STK17A: variants seen among roughly 807,000 people sequenced by gnomAD.
STK17A encodes the protein serine/threonine-protein kinase 17A.
A neutral mutation model predicts 43.7 loss-of-function variants in STK17A; 26 were observed. The ratio of observed to expected loss-of-function variants is 0.60; its 90% CI spans 0.44 to 0.83. The LOEUF (loss-of-function observed/expected upper bound fraction) is 0.83, where lower values mean the gene tolerates loss of function less well. Ranked by LOEUF, STK17A falls within the 40% of genes least tolerant of loss-of-function variation. The pLI is 0.00. For synonymous variants in STK17A, 191 were observed against 182.5 expected (o/e 1.05, Z -0.38); for missense variants, 476 against 511.6 (o/e 0.93, Z 0.67).
Position 43,625,066 on chromosome 7 carries a change from A to G in STK17A, c.*224A>G, listed in dbSNP as rs2084357932. 4 of 369,670 alleles carry G rather than the reference A, an allele frequency of 1.1e-5. No homozygotes were observed. Among genetic ancestry groups the G allele is most frequent in the East Asian group, 4.3e-5 (1 of 23,200 alleles). 22.9% of individuals were successfully genotyped at this position (369,670 alleles called of 1,614,324 possible). A position where few individuals can be genotyped will look rare whatever the true frequency, so the allele number is the denominator to read the frequency against. Reference sequence around the variant, plus strand: ...GTTACCCGTTTCAATGTTATTTTTAAGAAGGGAGATGTTGGCACCTTTGAA... The same window carrying G: ...GTTACCCGTTTCAATGTTATTTTTAGGAAGGGAGATGTTGGCACCTTTGAA... On this transcript the variant is annotated 3_prime_UTR_variant, in exon 7 of 7. Transcript: ENST00000319357.
At position 43,625,551 on chromosome 7, in the gene STK17A, C is replaced by G. The variant is rs2084414033; in HGVS notation, c.*709C>G. On this transcript the variant is annotated 3_prime_UTR_variant, in exon 7 of 7. Coordinates refer to ENST00000319357, the MANE Select transcript of STK17A (RefSeq NM_004760.3). ...AGGTGTCAGCTCTTGAGCTGCTTCC[C>G]TCATCACACCACACTCACATGCATC... 1 of 152,186 alleles carries G rather than the reference C, an allele frequency of 6.6e-6. No individual in the cohort carries two copies. Among genetic ancestry groups the G allele is most frequent in the Non-Finnish European group, 1.5e-5 (1 of 68,090 alleles). The allele number at this position is 152,186 out of a possible 1,614,324, so 9.4% of individuals were successfully genotyped here. A position where few individuals can be genotyped will look rare whatever the true frequency, so the allele number is the denominator to read the frequency against.
chr7:43,590,363 T>G (rs2082472196), intron 1 of STK17A, among the ~76,000 whole-genome samples: 1 of 151,478 alleles, frequency 6.6e-6, no homozygotes, highest in Non-Finnish European at 1.5e-5. Flanking sequence ...CCTGTCTCCC[T>G]AAGCAGTGTT....
chr7:43,587,352 A>G lies in STK17A; in HGVS notation c.206+3903A>G, dbSNP rs372368214. On this transcript the variant is annotated intron_variant, in intron 1 of 6. Transcript: ENST00000319357. Reference sequence around the variant, plus strand: ...TGTATTTTTAGTAGAGACAGGGGAAAGGATCTGTTAATGAGTTCTACATTG... The same window carrying G: ...TGTATTTTTAGTAGAGACAGGGGAAGGGATCTGTTAATGAGTTCTACATTG... Among the ~76,000 whole-genome samples, 41 of 150,946 alleles carry G rather than the reference A, an allele frequency of 2.7e-4. 1 individual carries two copies. The East Asian group carries it at 3.1e-3, about 11-fold the overall frequency.
chr7:43,595,267 CTTTT>C (rs57811536), intron 1 of STK17A, among the ~76,000 whole-genome samples: 1 of 88,344 alleles, frequency 1.1e-5, no homozygotes, highest in African/African-American at 3.6e-5. Context: ...AATCAAATGG[CTTTT>C]TTTTTTTTTT....
At chr7:43,624,490 CTT>C in intron 6 of STK17A, 26 bp from the exon 7 acceptor site, 1 of 1,570,114 alleles carries the variant, frequency 6.4e-7, no homozygotes, top group Non-Finnish European at 8.6e-7. Flanking sequence ...TCTAACATGT[CTT>C]AACTGTAAAA....
At chr7:43,593,595 A>G (rs1229913399) in intron 1 of STK17A, among the ~76,000 whole-genome samples, 1 of 152,080 alleles carries the variant, frequency 6.6e-6, no homozygotes, top group African/African-American at 2.4e-5. Context: ...GTAAAGCAGT[A>G]CCTCATTGTG....
intron 4 of STK17A, 129 bp downstream of exon 4, chr7:43,619,852 T>C: frequency 8.2e-7 from 1 of 1,223,720 alleles, no homozygotes; most frequent in Non-Finnish European, 1.1e-6. Context: ...CAGAGATCTA[T>C]TCCTTTGGAT....
intron 1 of STK17A, among the ~76,000 whole-genome samples, chr7:43,588,851 C>T (rs1368904270): frequency 1.3e-5 from 2 of 151,322 alleles, no homozygotes; most frequent in East Asian, 3.9e-4. Flanking sequence ...AAAAAGACAT[C>T]ACTCCAGTGT....
intron 3 of STK17A, among the ~76,000 whole-genome samples, chr7:43,614,194 T>C: frequency 6.6e-6 from 1 of 152,296 alleles, no homozygotes; most frequent in African/African-American, 2.4e-5. Flanking sequence ...TCAGTAAACG[T>C]TAAATGGATT....
At chr7:43,591,147 TGGTATTAGA>T (rs2082476206) in intron 1 of STK17A, among the ~76,000 whole-genome samples, 2 of 151,504 alleles carry the variant, frequency 1.3e-5, no homozygotes. Context: ...CAGTGGTATG[TGGTATTAGA>T]ATGATGGAAG....
Position 43,619,334 on chromosome 7 carries a change from TG to T in STK17A, c.565-261del, listed in dbSNP as rs549055511. ...CAAGGAGATTCAGGATCATGGGGAA[TG>T]GTTTCCATAAGGTAGGGATAGAAAC... On this transcript the variant is annotated intron_variant, in intron 3 of 6. Transcript: ENST00000319357. Among the ~76,000 whole-genome samples, 19 of 152,278 alleles carry T rather than the reference TG, an allele frequency of 1.2e-4. No homozygotes were observed. In the South Asian group the frequency reaches 3.9e-3, roughly 32 times the overall value.
rs1166922451 is a variant in STK17A at position 43,624,921 on chromosome 7, C to T, written c.*79C>T. ...TTTATGGACCTCTGGCCAAATGGTACATGTACTGGAAGTGGATAACCAGTA... is the reference window on the plus strand; with the variant it reads ...TTTATGGACCTCTGGCCAAATGGTATATGTACTGGAAGTGGATAACCAGTA... On this transcript the variant is annotated 3_prime_UTR_variant, in exon 7 of 7. Coordinates refer to ENST00000319357, the MANE Select transcript of STK17A (RefSeq NM_004760.3). The T allele has an allele frequency of 7.9e-7, 1 of 1,258,436 alleles. No individual in the cohort carries two copies. Among genetic ancestry groups the T allele is most frequent in the African/African-American group, 1.5e-5 (1 of 65,886 alleles). 78.0% of individuals were successfully genotyped at this position (1,258,436 alleles called of 1,614,324 possible).
intron 2 of STK17A, among the ~76,000 whole-genome samples, chr7:43,601,381 G>A (rs1431656120): frequency 1.3e-5 from 2 of 152,124 alleles, no homozygotes; most frequent in Non-Finnish European, 2.9e-5. Flanking sequence ...ATGGCAGAAC[G>A]GTTAAAAGTT....
At chr7:43,586,131 T>TG (rs1447153896) in intron 1 of STK17A, among the ~76,000 whole-genome samples, 2 of 151,620 alleles carry the variant, frequency 1.3e-5, no homozygotes, top group Non-Finnish European at 3.0e-5. Context: ...ATAAAGAACT[T>TG]GGAGAATACC....
At chr7:43,615,425 C>T (rs2083255954) in intron 3 of STK17A, among the ~76,000 whole-genome samples, 1 of 152,190 alleles carries the variant, frequency 6.6e-6, no homozygotes, top group African/African-American at 2.4e-5. Flanking sequence ...AATCCACTCA[C>T]CTCGGCCTCC....
chr7:43,608,535 C>T, intron 3 of STK17A, 135 bp downstream of exon 3: 3 of 991,612 alleles, frequency 3.0e-6, no homozygotes, highest in Non-Finnish European at 2.9e-6. Flanking sequence ...TGAGTCTTTA[C>T]TCCTATCCTC....
rs376040949 is a variant in STK17A at position 43,612,970 on chromosome 7, G to A, written c.564+4570G>A. Among the ~76,000 whole-genome samples the A allele has an allele frequency of 2.7e-4, 41 of 152,212 alleles. No homozygotes were observed. In the South Asian group the frequency reaches 8.3e-3, roughly 31 times the overall value. ...GCAAATCTGAGAAACAACAACCCTGGCAAAGTCAGAACAAAACCAACTAAA... is the reference window on the plus strand; with the variant it reads ...GCAAATCTGAGAAACAACAACCCTGACAAAGTCAGAACAAAACCAACTAAA... On this transcript the variant is annotated intron_variant, in intron 3 of 6. Transcript: ENST00000319357.
intron 1 of STK17A, among the ~76,000 whole-genome samples, chr7:43,584,443 T>A (rs565228770): frequency 6.6e-6 from 1 of 152,322 alleles, no homozygotes. Flanking sequence ...GCCATGCTTG[T>A]CAAGCGCATA....
At chr7:43,607,159 G>A (rs1056038618) in intron 2 of STK17A, among the ~76,000 whole-genome samples, 1 of 151,906 alleles carries the variant, frequency 6.6e-6, no homozygotes, top group African/African-American at 2.4e-5. Context: ...CTGATCTCAG[G>A]TGATCTGCCT....
Sources: gnomAD v4.1 joint callset for allele counts (sites outside exome capture counted in the v4.1 genomes callset) on GRCh38, gnomAD v4.1.1 for gene constraint, MANE v1.5 for transcripts, NCBI Gene and HGNC (gene_info 2026-07-23, HGNC 2026-07-21) for gene names.